Variants in KLF6 observed in about 807,000 individuals in gnomAD.
KLF6 encodes Krueppel-like factor 6.
For missense variants in KLF6, 233 were observed against 359.8 expected (o/e 0.65, Z 2.85); for synonymous variants, 152 against 147.9 (o/e 1.03, Z -0.20).
At position 3,777,813 on chromosome 10, in the gene KLF6, G is replaced by A. The variant is rs1832426823; in HGVS notation, c.*1726C>T. 1 of 476,390 alleles carries A rather than the reference G, an allele frequency of 2.1e-6. No individual in the cohort carries two copies. The highest frequency in any genetic ancestry group is 4.1e-6 in the Non-Finnish European group (1 of 241,622). 29.5% of individuals were successfully genotyped at this position (476,390 alleles called of 1,614,324 possible). A position where few individuals can be genotyped will look rare whatever the true frequency, so the allele number is the denominator to read the frequency against. On this transcript the variant is annotated 3_prime_UTR_variant, in exon 4 of 4. Transcript: ENST00000497571. ...TGTACACACAAATATACATACACAAGAATTCTGCCCACTTTTTTAAAAAAG... is the reference window on the plus strand; with the variant it reads ...TGTACACACAAATATACATACACAAAAATTCTGCCCACTTTTTTAAAAAAG...
rs1357428935 is a variant in KLF6, at chr10:3,785,138, G to A, written c.-124C>T. On this transcript the variant is annotated 5_prime_UTR_variant, in exon 1 of 4. Transcript: ENST00000497571. The stretch of plus-strand genomic sequence containing the variant: ...ATGCAAACTCCAGGCTCGCAGAGAC[G>A]CCCGGCCGGACCCTCCCGCAGCCCG... 1 of 1,535,114 alleles carries A rather than the reference G, an allele frequency of 6.5e-7. No individual in the cohort carries two copies. Among genetic ancestry groups the A allele is most frequent in the African/African-American group, 1.4e-5 (1 of 73,062 alleles).
In KLF6 at chr10:3,781,794, C is replaced by T. The variant is rs777779469; in HGVS notation, c.523G>A (p.Val175Met). ...VPGELPSPGK[V>M]RSGTSGKPGD... Reference sequence around the variant, plus strand: ...GGCTTCCCCGAAGTCCCGCTGCGCACCTTCCCTGGCGAGGGCAGCTCCCCG... The same window carrying T: ...GGCTTCCCCGAAGTCCCGCTGCGCATCTTCCCTGGCGAGGGCAGCTCCCCG... The change falls in exon 2 of 4, where the codon GTG becomes ATG. Residue 175 changes from valine (V) to methionine (M), a missense_variant. Coordinates refer to ENST00000497571, the MANE Select transcript of KLF6 (RefSeq NM_001300.6). This position sits in a 1 kb window ranked among gnomAD's most constrained non-coding sequence, Gnocchi z 5.8. 1.9e-6 allele frequency: 3 copies of T among 1,614,250 alleles called. No homozygotes were observed. The highest frequency in any genetic ancestry group is 1.1e-5 in the South Asian group (1 of 91,088).
rs1385086042 is a variant in KLF6, at chr10:3,780,268, C to T, written c.677-39G>A. On this transcript the variant is annotated intron_variant, in intron 2 of 3. Coordinates refer to ENST00000497571, the MANE Select transcript of KLF6 (RefSeq NM_001300.6). The surrounding 1 kb of genome is among the most constrained non-coding windows in gnomAD (Gnocchi z 4.6). ...ACAGGACAAGCAGCCCATGACTTCA[C>T]TGACCCGCAGACGGAAAGGGGAAAT... 1.2e-6 allele frequency: 2 copies of T among 1,611,130 alleles called. No individual in the cohort carries two copies. The highest frequency in any genetic ancestry group is 4.5e-5 in the East Asian group (2 of 44,884).
rs754414185 is a variant in KLF6 at position 3,776,363 on chromosome 10, A to G, written c.*3176T>C. 5.4e-5 allele frequency: 29 copies of G among 532,166 alleles called. No homozygotes were observed. The highest frequency in any genetic ancestry group is 4.1e-4 in the South Asian group (27 of 65,156). 33.0% of individuals were successfully genotyped at this position (532,166 alleles called of 1,614,324 possible). On this transcript the variant is annotated 3_prime_UTR_variant, in exon 4 of 4. Coordinates refer to ENST00000497571, the MANE Select transcript of KLF6 (RefSeq NM_001300.6). ...GTATTTGATGCATTCAGGGAGGGCA[A>G]TGTCAGGCTCGCTGACATCCTCTCC...
Position 3,776,041 on chromosome 10 carries a change from TG to T in KLF6, c.*3497del, listed in dbSNP as rs1832363786. ...ATTTTCTGCCCTCCTTGACTGAGAGTGGGCTGAGGTTGTGAGAACAGCCCTC... is the reference window on the plus strand; with the variant it reads ...ATTTTCTGCCCTCCTTGACTGAGAGTGGCTGAGGTTGTGAGAACAGCCCTC... On this transcript the variant is annotated 3_prime_UTR_variant, in exon 4 of 4. Transcript: ENST00000497571. 1 of 504,832 alleles carries T rather than the reference TG, an allele frequency of 2.0e-6. No homozygotes were observed. Among genetic ancestry groups the T allele is most frequent in the African/African-American group, 1.9e-5 (1 of 52,822 alleles). The allele number at this position is 504,832 out of a possible 1,614,324, so 31.3% of individuals were successfully genotyped here.
chr10:3,778,609 TACAAA>T lies in KLF6; in HGVS notation c.*925_*929del, dbSNP rs1288188260. ...CAATGCCTTTCTGGAAGGGGAGTGTTACAAACTTGGAGGGGAAAAAAAATTGTATA... is the reference window on the plus strand; with the variant it reads ...CAATGCCTTTCTGGAAGGGGAGTGTTCTTGGAGGGGAAAAAAAATTGTATA... On this transcript the variant is annotated 3_prime_UTR_variant, in exon 4 of 4. Coordinates refer to ENST00000497571, the MANE Select transcript of KLF6 (RefSeq NM_001300.6). 1.6e-5 allele frequency: 8 copies of T among 515,262 alleles called. No homozygotes were observed. In the East Asian group the frequency reaches 2.9e-4, roughly 19 times the overall value. 31.9% of individuals were successfully genotyped at this position (515,262 alleles called of 1,614,324 possible). A position where few individuals can be genotyped will look rare whatever the true frequency, so the allele number is the denominator to read the frequency against.
In KLF6 at chr10:3,776,932, CTTT is replaced by C. The variant is rs751886217; in HGVS notation, c.*2604_*2606del. 1.6e-4 allele frequency: 65 copies of C among 417,222 alleles called. No homozygotes were observed. The highest frequency in any genetic ancestry group is 3.6e-4 in the East Asian group (7 of 19,368). The allele number at this position is 417,222 out of a possible 1,614,324, so 25.8% of individuals were successfully genotyped here. A position where few individuals can be genotyped will look rare whatever the true frequency, so the allele number is the denominator to read the frequency against. On this transcript the variant is annotated 3_prime_UTR_variant, in exon 4 of 4. Coordinates refer to ENST00000497571, the MANE Select transcript of KLF6 (RefSeq NM_001300.6). The stretch of plus-strand genomic sequence containing the variant: ...AAGCCAGTGCAAGTTTTTTTTTTTC[CTTT>C]TTTTTTTTTTGTCTTTTGCTTACCT...
At position 3,780,380 on chromosome 10, in the gene KLF6, GAGACA is replaced by G. The variant is rs1470296407; in HGVS notation, c.677-156_677-152del. The G allele has an allele frequency of 1.1e-6, 1 of 881,100 alleles. No individual in the cohort carries two copies. The highest frequency in any genetic ancestry group is 1.9e-6 in the Non-Finnish European group (1 of 536,138). 54.6% of individuals were successfully genotyped at this position (881,100 alleles called of 1,614,324 possible). ...ACACACAACAACTGGCAGCCTCAGA[GAGACA>G]ACAGCAGCTCTCTCCTGACCCAGTC... On this transcript the variant is annotated intron_variant, in intron 2 of 3. Coordinates refer to ENST00000497571, the MANE Select transcript of KLF6 (RefSeq NM_001300.6). This position sits in a 1 kb window ranked among gnomAD's most constrained non-coding sequence, Gnocchi z 4.6.
rs183735686 is a variant in KLF6 at position 3,776,070 on chromosome 10, G to T, written c.*3469C>A. On this transcript the variant is annotated 3_prime_UTR_variant, in exon 4 of 4. Coordinates refer to ENST00000497571, the MANE Select transcript of KLF6 (RefSeq NM_001300.6). The stretch of plus-strand genomic sequence containing the variant: ...CTGAGGTTGTGAGAACAGCCCTCTG[G>T]CCTGGAGTCCCTCTGCCTCCTCCAC... 1.9e-6 allele frequency: 1 copy of T among 526,558 alleles called. No homozygotes were observed. The highest frequency in any genetic ancestry group is 3.7e-6 in the Non-Finnish European group (1 of 271,038). 32.6% of individuals were successfully genotyped at this position (526,558 alleles called of 1,614,324 possible).
chr10:3,776,309 G>T lies in KLF6; in HGVS notation c.*3230C>A. On this transcript the variant is annotated 3_prime_UTR_variant, in exon 4 of 4. Coordinates refer to ENST00000497571, the MANE Select transcript of KLF6 (RefSeq NM_001300.6). Reference sequence around the variant, plus strand: ...GTTCCCTACTGTGCCCACAGCCGGGGGGTTGTTTTTGTCAGTCCTTGGAGA... The same window carrying T: ...GTTCCCTACTGTGCCCACAGCCGGGTGGTTGTTTTTGTCAGTCCTTGGAGA... The T allele has an allele frequency of 1.9e-6, 1 of 533,030 alleles. No homozygotes were observed. Among genetic ancestry groups the T allele is most frequent in the Non-Finnish European group, 3.6e-6 (1 of 275,536 alleles). The allele number at this position is 533,030 out of a possible 1,614,324, so 33.0% of individuals were successfully genotyped here.
intron 1 of KLF6, 35 bp downstream of exon 1, chr10:3,784,878 G>C (rs1832615041): frequency 6.3e-7 from 1 of 1,577,044 alleles, no homozygotes. Flanking sequence ...CCCGCGCCCC[G>C]GCGCCCGCAG....
Position 3,779,271 on chromosome 10 carries a change from T to G in KLF6, c.*268A>C. 4 of 628,634 alleles carry G rather than the reference T, an allele frequency of 6.4e-6. No individual in the cohort carries two copies. The highest frequency in any genetic ancestry group is 6.1e-5 in the South Asian group (4 of 65,998). The allele number at this position is 628,634 out of a possible 1,614,324, so 38.9% of individuals were successfully genotyped here. A position where few individuals can be genotyped will look rare whatever the true frequency, so the allele number is the denominator to read the frequency against. On this transcript the variant is annotated 3_prime_UTR_variant, in exon 4 of 4. Transcript: ENST00000497571. ...AACCCAACCATTAGCATTCTCAGTG[T>G]GCATGCTCACGGCAAAGGCTTAGGC...
At position 3,782,039 on chromosome 10, in the gene KLF6, G is replaced by A; in HGVS notation, c.278C>T (p.Pro93Leu). 1.2e-6 allele frequency: 2 copies of A among 1,614,172 alleles called. No individual in the cohort carries two copies. The highest frequency in any genetic ancestry group is 2.2e-5 in the East Asian group (1 of 44,888). The change falls in exon 2 of 4, where the codon CCG becomes CTG. Residue 93 changes from proline to leucine, a missense_variant. Transcript: ENST00000497571. The surrounding 1 kb of genome is among the most constrained non-coding windows in gnomAD (Gnocchi z 4.3). ...SSPPEDTLIS[P>L]SFCYNLETNS... ...GGTCTCTAAGTTGTAACAAAAGCTC[G>A]GGCTGATGAGAGTGTCCTCTGGAGG...
At position 3,781,321 on chromosome 10, in the gene KLF6, T is replaced by G; in HGVS notation, c.676+320A>C. 1.8e-6 allele frequency: 2 copies of G among 1,114,344 alleles called. No homozygotes were observed. The highest frequency in any genetic ancestry group is 2.5e-6 in the Non-Finnish European group (2 of 808,338). The allele number at this position is 1,114,344 out of a possible 1,614,324, so 69.0% of individuals were successfully genotyped here. A position where few individuals can be genotyped will look rare whatever the true frequency, so the allele number is the denominator to read the frequency against. ...AGGTAGCCTCGTGCGAGTGCACTGG[T>G]GAAGGGGCAGTGGCCTCGGATCCCC... On this transcript the variant is annotated intron_variant, in intron 2 of 3. Transcript: ENST00000497571. The surrounding 1 kb of genome is among the most constrained non-coding windows in gnomAD (Gnocchi z 5.8).
At chr10:3,784,787 C>G in intron 1 of KLF6, 126 bp downstream of exon 1, 1 of 874,194 alleles carries the variant, frequency 1.1e-6, no homozygotes, top group Non-Finnish European at 1.6e-6. Context: ...GCGCTGCGCC[C>G]GCTCCCCCGG....
rs1287341076 is a variant in KLF6 at position 3,782,756 on chromosome 10, G to A, written c.103-542C>T. On this transcript the variant is annotated intron_variant, in intron 1 of 3. Transcript: ENST00000497571. This position sits in a 1 kb window ranked among gnomAD's most constrained non-coding sequence, Gnocchi z 4.3. The stretch of plus-strand genomic sequence containing the variant: ...GCTGACAACACAGGGCCACACTCGG[G>A]GGAGAGGAGACAGCAGCTGTCTGTA... Among the ~76,000 whole-genome samples the A allele has an allele frequency of 6.6e-6, 1 of 152,218 alleles. No homozygotes were observed. The highest frequency in any genetic ancestry group is 2.4e-5 in the African/African-American group (1 of 41,450).
rs1339282454 is a variant in KLF6, at chr10:3,780,935, T to C, written c.676+706A>G. On this transcript the variant is annotated intron_variant, in intron 2 of 3. Coordinates refer to ENST00000497571, the MANE Select transcript of KLF6 (RefSeq NM_001300.6). This position sits in a 1 kb window ranked among gnomAD's most constrained non-coding sequence, Gnocchi z 4.6. ...CTGTCTGGGACTGACTCTCAGCAAT[T>C]TGCTCTCCTACTGATAAGAGAAGAG... 1 of 153,054 alleles carries C rather than the reference T, an allele frequency of 6.5e-6. No individual in the cohort carries two copies. The highest frequency in any genetic ancestry group is 2.0e-4 in the East Asian group (1 of 5,038). 9.5% of individuals were successfully genotyped at this position (153,054 alleles called of 1,614,324 possible).
intron 1 of KLF6, among the ~76,000 whole-genome samples, chr10:3,784,308 T>C (rs1370952015): frequency 6.6e-6 from 1 of 152,180 alleles, no homozygotes; most frequent in African/African-American, 2.4e-5. Flanking sequence ...GACGGGCTCA[T>C]TGTCACAAGA....
chr10:3,785,062 C>G lies in KLF6; in HGVS notation c.-48G>C, dbSNP rs1396290814. 3 of 1,607,096 alleles carry G rather than the reference C, an allele frequency of 1.9e-6. No individual in the cohort carries two copies. Among genetic ancestry groups the G allele is most frequent in the East Asian group, 2.2e-5 (1 of 44,672 alleles). ...CCGCGGTCGCGAGGGCGGCGAGGCG[C>G]GCGGTGGGAGCCGGAGCCGAAAGTC... On this transcript the variant is annotated 5_prime_UTR_variant, in exon 1 of 4. Coordinates refer to ENST00000497571, the MANE Select transcript of KLF6 (RefSeq NM_001300.6).
Sources: allele counts gnomAD v4.1 joint callset (sites outside exome capture counted in the v4.1 genomes callset), GRCh38; gene constraint gnomAD v4.1.1; non-coding constraint Gnocchi (gnomAD v3.1); transcripts MANE v1.5; gene names NCBI Gene and HGNC (gene_info 2026-07-23, HGNC 2026-07-21).